Variants in MGRN1 observed in about 807,000 individuals in gnomAD.
MGRN1 encodes the protein mahogunin ring finger 1.
Under a neutral mutation model 69.2 loss-of-function variants are expected in MGRN1, and 29 were observed. The ratio of observed to expected loss-of-function variants is 0.42; its 90% CI spans 0.31 to 0.57. MGRN1 has a LOEUF of 0.57. Ranked by LOEUF, MGRN1 falls within the 20% of genes least tolerant of loss-of-function variation. The probability of loss-of-function intolerance (pLI) is 0.15; values close to 1 mark genes in which losing one functional copy is unlikely to be tolerated. For missense variants in MGRN1, 998 were observed against 796.2 expected, an observed-to-expected ratio of 1.25 and a Z score of -3.05; for synonymous variants, 470 against 344.2, an observed-to-expected ratio of 1.37 and a Z score of -4.04.
rs757204916 is a variant in MGRN1, at chr16:4,664,742, G to C, written c.595G>C (p.Val199Leu). The C allele has an allele frequency of 6.2e-7, 1 of 1,614,232 alleles. No individual in the cohort carries two copies. Among genetic ancestry groups the C allele is most frequent in the Non-Finnish European group, 8.5e-7 (1 of 1,180,036 alleles). ...TGACCTGGACCGGGGCGTGTTTCCA[G>C]TAGTCATCCAGGCTGTGGTGGACGA... ...NFDLDRGVFPVVIQAVVDEGD... is the reference protein window; with the variant it reads ...NFDLDRGVFPLVIQAVVDEGD... Residue 199 changes from valine to leucine, a missense_variant, in exon 6 of 17, where the codon GTA becomes CTA. Val to Leu is a conservative substitution (Grantham distance 32). Coordinates refer to ENST00000262370, the MANE Select transcript of MGRN1 (RefSeq NM_015246.4).
chr16:4,668,050 C>G (rs529286417), intron 7 of MGRN1, among the ~76,000 whole-genome samples: 47 of 151,908 alleles, frequency 3.1e-4, no homozygotes, highest in African/African-American at 1.1e-3. Flanking sequence ...CTGGAGGCCT[C>G]AGATAGTTGC....
At chr16:4,688,668 G>A (rs1035078852) in intron 16 of MGRN1, 128 bp from the exon 17 acceptor site, 2 of 1,444,022 alleles carry the variant, frequency 1.4e-6, no homozygotes, top group African/African-American at 2.9e-5. Flanking sequence ...GAATGCTGTT[G>A]TGGCCACAGG....
chr16:4,630,094 G>A (rs1373701647), intron 1 of MGRN1, among the ~76,000 whole-genome samples: 1 of 147,970 alleles, frequency 6.8e-6, no homozygotes, highest in Non-Finnish European at 1.5e-5. Context: ...GCTCGCGCCT[G>A]TAATCCTAGC....
At chr16:4,683,405 C>A in intron 15 of MGRN1, 136 bp downstream of exon 15, 3 of 1,037,562 alleles carry the variant, frequency 2.9e-6, no homozygotes, top group Non-Finnish European at 4.2e-6. Flanking sequence ...AGGCCCCCCT[C>A]GGCGGCACTG....
At chr16:4,683,810 C>CT in intron 15 of MGRN1, 33 bp from the exon 16 acceptor site, 1 of 1,598,712 alleles carries the variant, frequency 6.3e-7, no homozygotes, top group African/African-American at 1.3e-5. Context: ...TGGCCCCTGC[C>CT]TGTAGGTCCC....
In MGRN1 at chr16:4,628,851, G is replaced by GT. The variant is rs560988376; in HGVS notation, c.88+3812dup. ...TGAGCCACTATGCCCAGCCTTTTCT[G>GT]TTTTTTTTTGAGACAGTCTCGCTCT... is the stretch of plus-strand genomic sequence containing the variant. On this transcript the variant is annotated intron_variant, in intron 1 of 16. Coordinates refer to ENST00000262370, the MANE Select transcript of MGRN1 (RefSeq NM_015246.4). Among the ~76,000 whole-genome samples the GT allele has an allele frequency of 6.6e-4, 99 of 150,184 alleles. 1 individual carries two copies. The highest frequency in any genetic ancestry group is 6.6e-4 in the African/African-American group (27 of 41,000).
chr16:4,667,065 C>A (rs1388244659), intron 7 of MGRN1, among the ~76,000 whole-genome samples: 4 of 152,224 alleles, frequency 2.6e-5, no homozygotes, highest in Non-Finnish European at 4.4e-5. Flanking sequence ...CTGCGTGGCA[C>A]CATCCTGCTG....
At chr16:4,640,871 G>A (rs554765428) in intron 1 of MGRN1, among the ~76,000 whole-genome samples, 3 of 152,298 alleles carry the variant, frequency 2.0e-5, no homozygotes, top group East Asian at 1.9e-4. Context: ...CGGGGTGTGC[G>A]CCCCAGCTCC....
chr16:4,681,315 C>A (rs546210868), intron 12 of MGRN1: 13 of 547,648 alleles, frequency 2.4e-5, no homozygotes, highest in Non-Finnish European at 3.9e-5. Context: ...GGCAGATGCC[C>A]TCGTGCCCGT....
intron 16 of MGRN1, chr16:4,686,253 G>A (rs567726542): frequency 4.7e-5 from 73 of 1,542,806 alleles, no homozygotes; most frequent in South Asian, 4.2e-4. Context: ...CCCCCTCTCC[G>A]CGCAGCCCTG....
intron 7 of MGRN1, among the ~76,000 whole-genome samples, chr16:4,666,544 C>G (rs984898576): frequency 6.6e-6 from 1 of 152,198 alleles, no homozygotes; most frequent in Non-Finnish European, 1.5e-5. Flanking sequence ...GGGGCTCCCA[C>G]AAGGAGGGCT....
At chr16:4,658,369 A>G (rs1333828247) in intron 5 of MGRN1, among the ~76,000 whole-genome samples, 1 of 151,714 alleles carries the variant, frequency 6.6e-6, no homozygotes, top group African/African-American at 2.4e-5. Flanking sequence ...CCCCGTCTCT[A>G]CTAAAAATAC....
intron 8 of MGRN1, among the ~76,000 whole-genome samples, 198 bp downstream of exon 8, chr16:4,668,510 TATAG>T (rs1408358536): frequency 6.6e-6 from 1 of 151,592 alleles, no homozygotes; most frequent in Non-Finnish European, 1.5e-5. Flanking sequence ...TTCACACATA[TATAG>T]ACACATAAAC....
intron 13 of MGRN1, 24 bp from the exon 14 acceptor site, chr16:4,682,799 G>T: frequency 2.0e-6 from 3 of 1,523,620 alleles, no homozygotes; most frequent in Non-Finnish European, 2.7e-6. Context: ...TCTCACCCCT[G>T]CCCACCCTCT....
chr16:4,626,520 A>G (rs1204205503), intron 1 of MGRN1, among the ~76,000 whole-genome samples: 1 of 152,204 alleles, frequency 6.6e-6, no homozygotes, highest in Non-Finnish European at 1.5e-5. Flanking sequence ...TCAGAACCAC[A>G]CCTGGCTCAG....
chr16:4,684,851 C>T (rs183020187), intron 16 of MGRN1, among the ~76,000 whole-genome samples: 2 of 152,370 alleles, frequency 1.3e-5, no homozygotes, highest in Admixed American at 1.3e-4. Context: ...GTGGCTCTTC[C>T]CTCGCGGCTG....
At chr16:4,669,569 G>A (rs867391644) in intron 8 of MGRN1, among the ~76,000 whole-genome samples, 1 of 152,180 alleles carries the variant, frequency 6.6e-6, no homozygotes. Flanking sequence ...TGCAGGCCCT[G>A]AGTTCTGTCC....
rs1272986862 is a variant in MGRN1 at position 4,683,664 on chromosome 16, C to G, written c.1529-179C>G. On this transcript the variant is annotated intron_variant, in intron 15 of 16. Coordinates refer to ENST00000262370, the MANE Select transcript of MGRN1 (RefSeq NM_015246.4). Reference sequence around the variant, plus strand: ...AAGGAGGGAAATAGAAGGGAAACACCCAGCTTTGGGGTCCCTGGAGAGCAG... The same window carrying G: ...AAGGAGGGAAATAGAAGGGAAACACGCAGCTTTGGGGTCCCTGGAGAGCAG... Among the ~76,000 whole-genome samples, 21 of 152,168 alleles carry G rather than the reference C, an allele frequency of 1.4e-4. No homozygotes were observed. The East Asian group carries it at 3.9e-3, about 28-fold the overall frequency.
intron 10 of MGRN1, chr16:4,676,893 C>T (rs2079065060): frequency 6.6e-6 from 1 of 152,518 alleles, no homozygotes; most frequent in Non-Finnish European, 1.5e-5. Flanking sequence ...CCCACTTCAG[C>T]TTCCTCAGCA....
Sources: gnomAD v4.1 joint callset for allele counts (sites outside exome capture counted in the v4.1 genomes callset) on GRCh38, gnomAD v4.1.1 for gene constraint, MANE v1.5 for transcripts, NCBI Gene and HGNC (gene_info 2026-07-23, HGNC 2026-07-21) for gene names.